Variants in ATP13A3 observed in about 807,000 individuals in gnomAD.
ATP13A3 encodes polyamine-transporting ATPase 13A3.
ATP13A3 carries 59 observed loss-of-function variants against 158.1 expected under a neutral mutation model. The ratio of observed to expected loss-of-function variants is 0.37; its 90% CI spans 0.30 to 0.46. ATP13A3 has a LOEUF of 0.46. Among genes scored for constraint, ATP13A3 ranks in the 20% least tolerant of loss-of-function variants. The pLI is 1.00. For synonymous variants in ATP13A3, 491 were observed against 504.3 expected, an observed-to-expected ratio of 0.97 and a Z score of 0.35; for missense variants, 1,166 against 1,525.2, an observed-to-expected ratio of 0.76 and a Z score of 3.92.
intron 30 of ATP13A3, chr3:194,424,282 A>G (rs1488123277): frequency 6.6e-6 from 1 of 151,762 alleles, no homozygotes; most frequent in African/African-American, 2.4e-5. Context: ...GTATAGTTAT[A>G]TAGCAATATA....
intron 2 of ATP13A3, among the ~76,000 whole-genome samples, chr3:194,492,381 C>T (rs1316392242): frequency 1.3e-5 from 2 of 152,048 alleles, no homozygotes; most frequent in Non-Finnish European, 2.9e-5. Context: ...TCTGTGGATA[C>T]CAAAATCCAA....
At chr3:194,413,951 T>C (rs1220633383) in intron 31 of ATP13A3, 112 bp from the exon 32 acceptor site, 2 of 861,108 alleles carry the variant, frequency 2.3e-6, no homozygotes, top group Non-Finnish European at 3.9e-6. Flanking sequence ...AACACCTTCA[T>C]ATACATTATC....
In ATP13A3 at chr3:194,462,170, C is replaced by T. The variant is rs193097657; in HGVS notation, c.21G>A (p.Lys7=). The part of the protein sequence containing the change: MDREER[K]TINQGQEDEM... ...CATCTTCTTGACCCTGATTGATGGT[C>T]TTCCTTTCTTCCCTGTCCATACCTA... Residue 7 remains lysine (K), a synonymous_variant, in exon 3 of 34, where the codon AAG becomes AAA. Coordinates refer to ENST00000645319, the MANE Select transcript of ATP13A3 (RefSeq NM_001367549.1). The T allele has an allele frequency of 5.6e-6, 9 of 1,613,974 alleles. No homozygotes were observed. The African/African-American group carries it at 9.3e-5, about 17-fold the overall frequency.
At position 194,454,477 on chromosome 3, in the gene ATP13A3, G is replaced by C. The variant is rs1003629376; in HGVS notation, c.631-85C>G. 1.3e-5 allele frequency: 17 copies of C among 1,349,860 alleles called. No individual in the cohort carries two copies. The African/African-American group carries it at 2.4e-4, about 19-fold the overall frequency. The allele number at this position is 1,349,860 out of a possible 1,614,324, so 83.6% of individuals were successfully genotyped here. A position where few individuals can be genotyped will look rare whatever the true frequency, so the allele number is the denominator to read the frequency against. On this transcript the variant is annotated intron_variant, in intron 8 of 33. Coordinates refer to ENST00000645319, the MANE Select transcript of ATP13A3 (RefSeq NM_001367549.1). ...CATCTTTTCATTTGACAAACAAAAA[G>C]ATACAAATATGTACAAGATAAGCTC... is the stretch of plus-strand genomic sequence containing the variant.
At chr3:194,456,270 T>TTG (rs1388240274) in intron 7 of ATP13A3, among the ~76,000 whole-genome samples, 1 of 151,790 alleles carries the variant, frequency 6.6e-6, no homozygotes, top group African/African-American at 2.4e-5. Flanking sequence ...CACTAGATCT[T>TTG]AACAATTTTG....
intron 10 of ATP13A3, 37 bp downstream of exon 10, chr3:194,453,669 C>A: frequency 6.5e-7 from 1 of 1,538,716 alleles, no homozygotes; most frequent in East Asian, 2.2e-5. Flanking sequence ...TAACAGGTAT[C>A]TTTTTTGATT....
intron 2 of ATP13A3, among the ~76,000 whole-genome samples, chr3:194,483,895 A>G (rs1560118527): frequency 6.6e-6 from 1 of 152,260 alleles, no homozygotes; most frequent in Non-Finnish European, 1.5e-5. Flanking sequence ...GGAGGGAGAG[A>G]GAAGGGAGAA....
At chr3:194,475,810 A>G (rs1720502508) in intron 2 of ATP13A3, among the ~76,000 whole-genome samples, 1 of 152,208 alleles carries the variant, frequency 6.6e-6, no homozygotes, top group East Asian at 1.9e-4. Context: ...GGGAATATTT[A>G]GTTTACACAA....
intron 2 of ATP13A3, among the ~76,000 whole-genome samples, chr3:194,476,595 A>G (rs1018913950): frequency 6.6e-6 from 1 of 152,018 alleles, no homozygotes; most frequent in Non-Finnish European, 1.5e-5. Context: ...CACCATGCCT[A>G]TCTCCATCAG....
At chr3:194,475,687 T>C (rs914690922) in intron 2 of ATP13A3, among the ~76,000 whole-genome samples, 5 of 152,106 alleles carry the variant, frequency 3.3e-5, no homozygotes, top group African/African-American at 1.2e-4. Context: ...GACTGTCCTG[T>C]ATGCCACTAT....
In ATP13A3 at chr3:194,440,525, A is replaced by G. The variant is rs1347450141; in HGVS notation, c.1710+786T>C. ...AAGCACCATCCCCCATCCCCCAACA[A>G]GCCTTCACGATCAGAAACACTAACA... On this transcript the variant is annotated intron_variant, in intron 16 of 33. Transcript: ENST00000645319. 5.9e-5 allele frequency among the ~76,000 whole-genome samples: 9 copies of G among 152,306 alleles called. No individual in the cohort carries two copies. The South Asian group carries it at 1.4e-3, about 25-fold the overall frequency.
At chr3:194,423,992 G>A (rs1311578974) in intron 30 of ATP13A3, among the ~76,000 whole-genome samples, 1 of 150,948 alleles carries the variant, frequency 6.6e-6, no homozygotes, top group Non-Finnish European at 1.5e-5. Flanking sequence ...ACCCTTACAT[G>A]TGTTCAACAT....
chr3:194,412,107 TAACAG>T (rs1560068168), intron 33 of ATP13A3, 87 bp downstream of exon 33: 1 of 1,046,148 alleles, frequency 9.6e-7, no homozygotes, highest in Admixed American at 2.0e-5. Flanking sequence ...GAATAACACA[TAACAG>T]AACAAGAACA....
At chr3:194,422,667 C>T (rs972774282) in intron 30 of ATP13A3, among the ~76,000 whole-genome samples, 1 of 151,890 alleles carries the variant, frequency 6.6e-6, no homozygotes, top group Admixed American at 6.6e-5. Flanking sequence ...CAGATGCCAC[C>T]GATGGACTAT....
intron 2 of ATP13A3, among the ~76,000 whole-genome samples, chr3:194,475,954 C>CA (rs1720506458): frequency 6.6e-6 from 1 of 152,152 alleles, no homozygotes; most frequent in Non-Finnish European, 1.5e-5. Flanking sequence ...GACTTTACAT[C>CA]AAAAAGCCTT....
Position 194,404,208 on chromosome 3 carries a change from G to A in ATP13A3, c.*1711C>T. ...TGCATAGCTTCATAGAATCATTCAT[G>A]GAACAACTGTTATCATCTAATGTGT... On this transcript the variant is annotated 3_prime_UTR_variant, in exon 34 of 34. Coordinates refer to ENST00000645319, the MANE Select transcript of ATP13A3 (RefSeq NM_001367549.1). The A allele has an allele frequency of 2.4e-6, 1 of 417,800 alleles. No homozygotes were observed. The highest frequency in any genetic ancestry group is 4.7e-6 in the Non-Finnish European group (1 of 214,234). The allele number at this position is 417,800 out of a possible 1,614,324, so 25.9% of individuals were successfully genotyped here.
chr3:194,436,519 A>T (rs960065756), intron 20 of ATP13A3, among the ~76,000 whole-genome samples: 1 of 152,264 alleles, frequency 6.6e-6, no homozygotes, highest in South Asian at 2.1e-4. Flanking sequence ...CCTGACACAT[A>T]GTGGGCACAT....
intron 31 of ATP13A3, among the ~76,000 whole-genome samples, chr3:194,415,296 T>C (rs1424245203): frequency 1.3e-5 from 2 of 152,178 alleles, no homozygotes; most frequent in East Asian, 1.9e-4. Flanking sequence ...TTTCAGTAGA[T>C]TGGCAGGGGA....
At chr3:194,425,605 T>C (rs747816779) in intron 29 of ATP13A3, 76 bp from the exon 30 acceptor site, 1 of 1,171,482 alleles carries the variant, frequency 8.5e-7, no homozygotes, top group Non-Finnish European at 1.2e-6. Context: ...CTTACCTTAA[T>C]TGCCCTGAAT....
Sources: gnomAD v4.1 joint callset for allele counts (sites outside exome capture counted in the v4.1 genomes callset) on GRCh38, gnomAD v4.1.1 for gene constraint, MANE v1.5 for transcripts, NCBI Gene and HGNC (gene_info 2026-07-23, HGNC 2026-07-21) for gene names.